The following ZFAT variants were observed in gnomAD, a reference collection of about 807,000 sequenced individuals.
The protein encoded by ZFAT is zinc finger and AT-hook domain containing.
ZFAT carries 64 observed loss-of-function variants against 117.7 expected under a neutral mutation model. The ratio of observed to expected loss-of-function variants is 0.54; its 90% confidence interval spans 0.44 to 0.67. The LOEUF (loss-of-function observed/expected upper bound fraction) is 0.67, where lower values mean the gene tolerates loss of function less well. Ranked by LOEUF, ZFAT falls within the 30% of genes least tolerant of loss-of-function variation. The pLI is 0.00. For synonymous variants in ZFAT, 679 were observed against 615.0 expected, an observed-to-expected ratio of 1.10 and a Z score of -1.54; for missense variants, 1,433 against 1,584.5, an observed-to-expected ratio of 0.90 and a Z score of 1.62.
intron 3 of ZFAT, among the ~76,000 whole-genome samples, chr8:134,617,953 T>C (rs796640259): frequency 5.5e-4 from 84 of 152,252 alleles, no homozygotes; most frequent in African/African-American, 1.9e-3. Context: ...GCCTTTCTTG[T>C]GCTATTCTCA....
the ZFAT span, among the ~76,000 whole-genome samples, chr8:134,721,619 T>C: frequency 6.6e-6 from 1 of 152,234 alleles, no homozygotes; most frequent in Non-Finnish European, 1.5e-5. Flanking sequence ...TAGAACATTT[T>C]ACCCATATTT....
intron 14 of ZFAT, chr8:134,510,987 T>C (rs1586614175): frequency 6.6e-6 from 1 of 152,222 alleles, no homozygotes; most frequent in Non-Finnish European, 1.5e-5. Context: ...TGAGGATGAG[T>C]TTGGCAGAAA....
At chr8:134,824,168 G>A in the ZFAT span, among the ~76,000 whole-genome samples, 2 of 152,212 alleles carry the variant, frequency 1.3e-5, no homozygotes, top group Non-Finnish European at 2.9e-5. Context: ...GTGCTGCCTA[G>A]CTCAAGTGAG....
intron 1 of ZFAT, among the ~76,000 whole-genome samples, chr8:134,697,154 A>T (rs1328202454): frequency 7.0e-6 from 1 of 142,780 alleles, no homozygotes; most frequent in Non-Finnish European, 1.5e-5. Context: ...TCGCTCTGTC[A>T]CCCAGGCTGG....
At chr8:134,592,859 C>T (rs1343279777) in intron 7 of ZFAT, among the ~76,000 whole-genome samples, 1 of 152,244 alleles carries the variant, frequency 6.6e-6, no homozygotes, top group Non-Finnish European at 1.5e-5. Flanking sequence ...AACCAAAAGT[C>T]CTTCTGAACA....
At chr8:134,590,482 T>C in intron 7 of ZFAT, 127 bp from the exon 8 acceptor site, 1 of 658,066 alleles carries the variant, frequency 1.5e-6, no homozygotes, top group Non-Finnish European at 2.7e-6. Context: ...TCAACAGTCA[T>C]CACCACCACC....
chr8:134,588,618 G>A (rs1477545630), intron 8 of ZFAT, among the ~76,000 whole-genome samples: 3 of 152,238 alleles, frequency 2.0e-5, no homozygotes, highest in East Asian at 1.9e-4. Flanking sequence ...AACATCACAA[G>A]GCAATTACCA....
intron 13 of ZFAT, among the ~76,000 whole-genome samples, chr8:134,513,007 C>G (rs566603326): frequency 4.6e-5 from 7 of 152,212 alleles, no homozygotes; most frequent in African/African-American, 1.7e-4. Flanking sequence ...ATGTGGCCAA[C>G]AGAGGAAGGG....
intron 1 of ZFAT, among the ~76,000 whole-genome samples, chr8:134,703,613 T>C (rs901923017): frequency 6.6e-6 from 1 of 152,248 alleles, no homozygotes; most frequent in African/African-American, 2.4e-5. Context: ...GGGACCAGCC[T>C]GAGCTTCTGT....
the ZFAT span, among the ~76,000 whole-genome samples, chr8:134,742,234 A>G: frequency 2.6e-5 from 4 of 151,186 alleles, no homozygotes. Flanking sequence ...TTACTTAAGT[A>G]TATATGTGCC....
At chr8:134,774,110 C>T in the ZFAT span, among the ~76,000 whole-genome samples, 1 of 150,904 alleles carries the variant, frequency 6.6e-6, no homozygotes, top group African/African-American at 2.4e-5. Flanking sequence ...ATTCTCCTGC[C>T]TCAGCCTCCT....
chr8:134,525,509 C>T (rs1004000763), intron 12 of ZFAT, among the ~76,000 whole-genome samples: 1 of 152,192 alleles, frequency 6.6e-6, no homozygotes, highest in South Asian at 2.1e-4. Context: ...ATAAACCTCA[C>T]GGGGATGTGG....
rs1563752651 is a variant in ZFAT, at chr8:134,478,511, C to CCTGCTCCTCCACAGG, written c.3688_3702dup (p.Pro1230_Gln1234dup). ...AGTTCCTGGGCCGGCTGCTCCACAG[C>CCTGCTCCTCCACAGG]CTGCTCCTCCACAGGCTGCATGGCC... On this transcript the variant is annotated inframe_insertion, in exon 16 of 16. Coordinates refer to ENST00000377838, the MANE Select transcript of ZFAT (RefSeq NM_020863.4). The surrounding 1 kb of genome is among the most constrained non-coding windows in gnomAD (Gnocchi z 5.2). The CCTGCTCCTCCACAGG allele has an allele frequency of 1.3e-6, 2 of 1,582,042 alleles. No individual in the cohort carries two copies. Among genetic ancestry groups the CCTGCTCCTCCACAGG allele is most frequent in the East Asian group, 4.7e-5 (2 of 42,680 alleles).
intron 3 of ZFAT, among the ~76,000 whole-genome samples, chr8:134,620,001 G>C (rs957412130): frequency 6.6e-6 from 1 of 152,138 alleles, no homozygotes; most frequent in Admixed American, 6.5e-5. Context: ...GGAACCAGCC[G>C]AACAGCTGGC....
At chr8:134,755,889 C>T in the ZFAT span, among the ~76,000 whole-genome samples, 9 of 151,734 alleles carry the variant, frequency 5.9e-5, no homozygotes, top group East Asian at 1.4e-3. Flanking sequence ...CACTTGCAAC[C>T]GAAAGTTTCT....
chr8:134,729,378 C>T, the ZFAT span, among the ~76,000 whole-genome samples: 3 of 152,216 alleles, frequency 2.0e-5, no homozygotes, highest in African/African-American at 7.2e-5. Flanking sequence ...ATCACCCAGG[C>T]TGGAGTGCAG....
chr8:134,660,192 A>C (rs1026014185), intron 1 of ZFAT, among the ~76,000 whole-genome samples: 1 of 152,212 alleles, frequency 6.6e-6, no homozygotes, highest in African/African-American at 2.4e-5. Flanking sequence ...CAAAGGTAGG[A>C]AACTGAGGCC....
At chr8:134,744,830 T>C in the ZFAT span, among the ~76,000 whole-genome samples, 49 of 141,756 alleles carry the variant, frequency 3.5e-4, no homozygotes, top group Admixed American at 1.1e-3. Flanking sequence ...CCTGGGTTCA[T>C]GCCATTCTCC....
At chr8:134,822,649 G>A in the ZFAT span, among the ~76,000 whole-genome samples, 3 of 151,986 alleles carry the variant, frequency 2.0e-5, no homozygotes, top group Non-Finnish European at 2.9e-5. Context: ...AGGACAGATG[G>A]GGGATTATTA....
Sources: allele counts gnomAD v4.1 joint callset (sites outside exome capture counted in the v4.1 genomes callset), GRCh38; gene constraint gnomAD v4.1.1; non-coding constraint Gnocchi (gnomAD v3.1); transcripts MANE v1.5; gene names NCBI Gene and HGNC (gene_info 2026-07-23, HGNC 2026-07-21).